Variants in TRIM33 observed in about 807,000 individuals in gnomAD.
TRIM33 encodes the protein E3 ubiquitin-protein ligase TRIM33.
In TRIM33, 20 loss-of-function variants were observed where a neutral mutation model predicts 125.4. That is an observed-to-expected ratio of 0.16 (90% CI 0.11 to 0.23). The LOEUF (loss-of-function observed/expected upper bound fraction) is 0.23, where lower values mean the gene tolerates loss of function less well. Ranked by LOEUF, TRIM33 falls within the 10% of genes least tolerant of loss-of-function variation. TRIM33 has a pLI of 1.00. For missense variants in TRIM33, 920 were observed against 1,411.4 expected, an observed-to-expected ratio of 0.65 and a Z score of 5.58; for synonymous variants, 564 against 513.9, an observed-to-expected ratio of 1.10 and a Z score of -1.32.
At chr1:114,440,622 G>A (rs188531113) in intron 4 of TRIM33, among the ~76,000 whole-genome samples, 8 of 152,238 alleles carry the variant, frequency 5.3e-5, no homozygotes, top group Non-Finnish European at 8.8e-5. Flanking sequence ...TTTTTAAAAG[G>A]GGGAGGAGCT....
At chr1:114,464,450 G>T in intron 1 of TRIM33, 62 bp from the exon 2 acceptor site, 1 of 927,242 alleles carries the variant, frequency 1.1e-6, no homozygotes, top group Non-Finnish European at 1.6e-6. Flanking sequence ...TGTGCATGAT[G>T]TCCATATAGA....
At position 114,401,364 on chromosome 1, in the gene TRIM33, C is replaced by G. The variant is rs374521066; in HGVS notation, c.2967+25G>C. On this transcript the variant is annotated intron_variant, in intron 17 of 19. Coordinates refer to ENST00000358465, the MANE Select transcript of TRIM33 (RefSeq NM_015906.4). ...CTTAAGTATTATGAGACTTCCCCAC[C>G]GAGCTACTAAGGTAGGCAACTCACC... 27 of 1,600,488 alleles carry G rather than the reference C, an allele frequency of 1.7e-5. No homozygotes were observed. In the African/African-American group the frequency reaches 3.1e-4, roughly 18 times the overall value.
At chr1:114,503,715 A>T (rs1652837095) in intron 1 of TRIM33, among the ~76,000 whole-genome samples, 1 of 152,194 alleles carries the variant, frequency 6.6e-6, no homozygotes, top group Non-Finnish European at 1.5e-5. Flanking sequence ...AATTTTCCAA[A>T]ATTCTAATTT....
At chr1:114,406,130 C>A (rs966522046) in intron 14 of TRIM33, among the ~76,000 whole-genome samples, 1 of 152,292 alleles carries the variant, frequency 6.6e-6, no homozygotes, top group Middle Eastern at 3.4e-3. Flanking sequence ...CTATAATATT[C>A]TTCTGCTCAC....
intron 4 of TRIM33, among the ~76,000 whole-genome samples, chr1:114,452,727 TAA>T (rs34364866): frequency 0.047 from 5,086 of 107,564 alleles, 136 homozygotes; most frequent in African/African-American, 0.074. Context: ...CCCCATCTCT[TAA>T]AAAAAAAAAA....
chr1:114,427,283 C>T lies in TRIM33; in HGVS notation c.1314G>A (p.Gln438=), dbSNP rs1647648360. The change falls in exon 8 of 20, where the codon CAG becomes CAA. Residue 438 remains glutamine, a synonymous_variant. Transcript: ENST00000358465. ...ACCGTGCTTTCAAAATATGACGCAA[C>T]TGGAAAGTAATCTTAAAGGGAAAAA... ...LLYSKRLITF[Q]LRHILKARCD... 2 of 1,562,234 alleles carry T rather than the reference C, an allele frequency of 1.3e-6. No individual in the cohort carries two copies. The highest frequency in any genetic ancestry group is 1.4e-5 in the African/African-American group (1 of 73,422).
intron 4 of TRIM33, among the ~76,000 whole-genome samples, chr1:114,460,903 G>A (rs751845485): frequency 5.9e-5 from 9 of 151,984 alleles, no homozygotes; most frequent in African/African-American, 1.9e-4. Context: ...TTAAATTGTC[G>A]TAATTGCTGT....
intron 1 of TRIM33, among the ~76,000 whole-genome samples, chr1:114,500,158 C>G (rs1652625735): frequency 6.6e-6 from 1 of 152,164 alleles, no homozygotes; most frequent in Non-Finnish European, 1.5e-5. Flanking sequence ...CAAAGTGAGA[C>G]TCTGTCTCAA....
At chr1:114,424,385 T>C (rs766669325) in intron 10 of TRIM33, among the ~76,000 whole-genome samples, 4 of 152,198 alleles carry the variant, frequency 2.6e-5, no homozygotes, top group Non-Finnish European at 5.9e-5. Context: ...ACCCACAGTA[T>C]ATGATGCACT....
chr1:114,421,038 T>C (rs1275072023), intron 11 of TRIM33, among the ~76,000 whole-genome samples: 1 of 152,140 alleles, frequency 6.6e-6, no homozygotes, highest in Non-Finnish European at 1.5e-5. Flanking sequence ...GAATATACTA[T>C]ACAGCCTCTA....
At chr1:114,435,687 A>G (rs1648231936) in intron 4 of TRIM33, among the ~76,000 whole-genome samples, 1 of 152,032 alleles carries the variant, frequency 6.6e-6, no homozygotes, top group Non-Finnish European at 1.5e-5. Context: ...CTGCTGGTGC[A>G]CTGACTTTAT....
At chr1:114,498,581 A>G (rs1166771775) in intron 1 of TRIM33, among the ~76,000 whole-genome samples, 1 of 152,142 alleles carries the variant, frequency 6.6e-6, no homozygotes, top group African/African-American at 2.4e-5. Flanking sequence ...CCAGGGAGGC[A>G]GAGGTTGTAG....
At chr1:114,503,932 G>C (rs191585632) in intron 1 of TRIM33, among the ~76,000 whole-genome samples, 8 of 152,216 alleles carry the variant, frequency 5.3e-5, no homozygotes, top group African/African-American at 1.9e-4. Flanking sequence ...AACTGCACAA[G>C]TACTCTTCTT....
chr1:114,472,585 C>A (rs1650714617), intron 1 of TRIM33, among the ~76,000 whole-genome samples: 2 of 152,044 alleles, frequency 1.3e-5, no homozygotes, highest in Non-Finnish European at 2.9e-5. Context: ...TAAAAATTAG[C>A]CAGGCATGGT....
chr1:114,464,317 T>C lies in TRIM33; in HGVS notation c.598A>G (p.Lys200Glu). The change falls in exon 2 of 20, where the codon AAA becomes GAA. Residue 200 changes from lysine to glutamate, a missense_variant. Physicochemically the swap from Lys to Glu is moderately conservative, Grantham distance 56 (BLOSUM62 1). Coordinates refer to ENST00000358465, the MANE Select transcript of TRIM33 (RefSeq NM_015906.4). Reference protein sequence around the residue: ...QIDLVDNYFVKDTSEAPSSSD... With the variant: ...QIDLVDNYFVEDTSEAPSSSD... ...CTGCTAGGAGCTTCAGATGTGTCTT[T>C]CACAAAATAATTATCCACAAGGTCT... The C allele has an allele frequency of 6.2e-7, 1 of 1,612,344 alleles. No homozygotes were observed. Among genetic ancestry groups the C allele is most frequent in the Non-Finnish European group, 8.5e-7 (1 of 1,179,352 alleles).
At chr1:114,427,436 A>G (rs1324917285) in intron 7 of TRIM33, 142 bp from the exon 8 acceptor site, 1 of 577,964 alleles carries the variant, frequency 1.7e-6, no homozygotes, top group East Asian at 2.8e-5. Flanking sequence ...TAAATTAGCA[A>G]TCAAATCAAA....
intron 13 of TRIM33, among the ~76,000 whole-genome samples, chr1:114,407,682 A>C (rs1379365038): frequency 6.6e-6 from 1 of 152,236 alleles, no homozygotes; most frequent in Non-Finnish European, 1.5e-5. Context: ...TTCAGTGTTC[A>C]ATATACATAC....
intron 1 of TRIM33, among the ~76,000 whole-genome samples, chr1:114,490,494 T>G (rs1651998187): frequency 6.6e-6 from 1 of 152,106 alleles, no homozygotes; most frequent in South Asian, 2.1e-4. Context: ...CTCAAAAGAT[T>G]AAATATAAGT....
At chr1:114,473,310 T>A (rs1017275615) in intron 1 of TRIM33, among the ~76,000 whole-genome samples, 1 of 151,610 alleles carries the variant, frequency 6.6e-6, no homozygotes, top group Non-Finnish European at 1.5e-5. Context: ...TTTATTTTTA[T>A]AGAAGGATGC....
Sources: allele counts gnomAD v4.1 joint callset (sites outside exome capture counted in the v4.1 genomes callset), GRCh38; gene constraint gnomAD v4.1.1; transcripts MANE v1.5; gene names NCBI Gene and HGNC (gene_info 2026-07-23, HGNC 2026-07-21).